Variants in SLC5A4 observed in about 807,000 individuals in gnomAD.
The protein encoded by SLC5A4 is solute carrier family 5 member 4.
SLC5A4 carries 55 observed loss-of-function variants against 70.3 expected under a neutral mutation model. The observed-to-expected ratio is 0.78, with a 90% CI of 0.63 to 0.98. The LOEUF (loss-of-function observed/expected upper bound fraction) is 0.98. Ranked by LOEUF, SLC5A4 falls within the 50% of genes least tolerant of loss-of-function variation. SLC5A4 has a pLI of 0.00. For missense variants in SLC5A4, 735 were observed against 839.2 expected (o/e 0.88, Z 1.53); for synonymous variants, 268 against 305.7 (o/e 0.88, Z 1.29).
At chr22:32,256,720 T>G (rs1927507831), upstream of SLC5A4, among the ~76,000 whole-genome samples, 1 of 152,260 alleles carries the variant, frequency 6.6e-6, no homozygotes, top group Admixed American at 6.5e-5. Context: ...TTTTCAAGGT[T>G]CATCCATATT....
At chr22:32,335,563 T>C in the SLC5A4 span, among the ~76,000 whole-genome samples, 1 of 152,192 alleles carries the variant, frequency 6.6e-6, no homozygotes, top group African/African-American at 2.4e-5. Flanking sequence ...GTGGAGCTCA[T>C]TTGCTCTCTG....
At chr22:32,333,791 T>C in the SLC5A4 span, among the ~76,000 whole-genome samples, 3 of 146,192 alleles carry the variant, frequency 2.1e-5, no homozygotes, top group Non-Finnish European at 4.5e-5. Context: ...ACACACACCA[T>C]GCCACACAGA....
chr22:32,338,605 G>T, the SLC5A4 span, among the ~76,000 whole-genome samples: 1 of 152,186 alleles, frequency 6.6e-6, no homozygotes, highest in South Asian at 2.1e-4. Context: ...GCAGAGAGAG[G>T]CTGTAGTGAG....
At chr22:32,325,570 CAGA>C in the SLC5A4 span, among the ~76,000 whole-genome samples, 4 of 152,214 alleles carry the variant, frequency 2.6e-5, no homozygotes, top group African/African-American at 7.2e-5. Context: ...CTTCATCTGC[CAGA>C]AGGTGTCTGG....
the SLC5A4 span, among the ~76,000 whole-genome samples, chr22:32,293,623 A>G: frequency 6.6e-6 from 1 of 152,104 alleles, no homozygotes; most frequent in East Asian, 1.9e-4. Context: ...ATATTTTAAA[A>G]CCCATGAGAC....
the SLC5A4 span, among the ~76,000 whole-genome samples, chr22:32,331,525 C>T: frequency 5.9e-5 from 9 of 152,144 alleles, no homozygotes; most frequent in East Asian, 1.9e-4. Flanking sequence ...TAATGACACA[C>T]GGAAACTTTG....
At chr22:32,309,721 C>T in the SLC5A4 span, among the ~76,000 whole-genome samples, 1 of 152,124 alleles carries the variant, frequency 6.6e-6, no homozygotes, top group Non-Finnish European at 1.5e-5. Context: ...CCCCTCGGCT[C>T]CTCCATGAGA....
the SLC5A4 span, among the ~76,000 whole-genome samples, chr22:32,266,502 C>A: frequency 6.6e-6 from 1 of 152,160 alleles, no homozygotes; most frequent in Non-Finnish European, 1.5e-5. Context: ...AAACTATTTA[C>A]AAATACAGAG....
At chr22:32,270,726 C>A in the SLC5A4 span, 1 of 639,492 alleles carries the variant, frequency 1.6e-6, no homozygotes, top group South Asian at 1.6e-5. Flanking sequence ...TCCCTGTGGG[C>A]CTGGTCACCC....
intron 8 of SLC5A4, among the ~76,000 whole-genome samples, chr22:32,233,835 G>T (rs1925904383): frequency 6.9e-6 from 1 of 145,976 alleles, no homozygotes; most frequent in South Asian, 2.2e-4. Context: ...AAGAAAACAA[G>T]AATTAAAATT....
the SLC5A4 span, among the ~76,000 whole-genome samples, chr22:32,286,090 A>G: frequency 6.6e-6 from 1 of 152,184 alleles, no homozygotes; most frequent in Non-Finnish European, 1.5e-5. Context: ...TTTACTGGCT[A>G]GGTAGCCTGT....
the SLC5A4 span, among the ~76,000 whole-genome samples, chr22:32,276,397 C>A: frequency 6.6e-6 from 1 of 152,124 alleles, no homozygotes; most frequent in Non-Finnish European, 1.5e-5. Context: ...GCTGACAAGG[C>A]ATTTAGCTTT....
the SLC5A4 span, among the ~76,000 whole-genome samples, chr22:32,316,096 G>C: frequency 1.5e-5 from 2 of 131,232 alleles, no homozygotes; most frequent in African/African-American, 6.0e-5. Flanking sequence ...TTGAACCCAG[G>C]AGACTCTGTC....
At chr22:32,344,324 T>C in the SLC5A4 span, among the ~76,000 whole-genome samples, 8,709 of 152,240 alleles carry the variant, frequency 0.057, 313 homozygotes, top group African/African-American at 0.093. Context: ...CACACAAATA[T>C]AAGAATACAT....
chr22:32,239,852 G>A (rs564898707), intron 5 of SLC5A4, among the ~76,000 whole-genome samples: 12 of 148,746 alleles, frequency 8.1e-5, no homozygotes, highest in South Asian at 2.1e-4. Flanking sequence ...GTGAAACCCC[G>A]TCTCTACTAC....
At chr22:32,280,558 C>A in the SLC5A4 span, among the ~76,000 whole-genome samples, 1 of 152,170 alleles carries the variant, frequency 6.6e-6, no homozygotes, top group Non-Finnish European at 1.5e-5. Context: ...ACGAGCTGGA[C>A]TCTCCTCCCT....
chr22:32,258,808 A>G (rs1180227608), upstream of SLC5A4, among the ~76,000 whole-genome samples: 4 of 152,226 alleles, frequency 2.6e-5, no homozygotes, highest in Non-Finnish European at 5.9e-5. Context: ...TTCACAAAAG[A>G]TACAGAAACA....
the SLC5A4 span, among the ~76,000 whole-genome samples, chr22:32,336,818 G>A: frequency 6.6e-6 from 1 of 152,228 alleles, no homozygotes; most frequent in Non-Finnish European, 1.5e-5. Context: ...ACACATCACT[G>A]GACAGAGTTC....
At chr22:32,312,868 G>A in the SLC5A4 span, among the ~76,000 whole-genome samples, 1 of 152,164 alleles carries the variant, frequency 6.6e-6, no homozygotes, top group South Asian at 2.1e-4. Context: ...TCTCCTCAAT[G>A]GGGACTCACT....
Sources: gnomAD v4.1 joint callset for allele counts (sites outside exome capture counted in the v4.1 genomes callset) on GRCh38, gnomAD v4.1.1 for gene constraint, MANE v1.5 for transcripts, NCBI Gene and HGNC (gene_info 2026-07-23, HGNC 2026-07-21) for gene names.